The following CDC16 variants were observed in gnomAD, a reference collection of about 807,000 sequenced individuals.
CDC16 encodes cell division cycle protein 16 homolog.
A neutral mutation model predicts 87.0 loss-of-function variants in CDC16; 34 were observed. That is an observed-to-expected ratio of 0.39 (90% CI 0.30 to 0.52). The LOEUF (loss-of-function observed/expected upper bound fraction) is 0.52, where lower values mean the gene tolerates loss of function less well. CDC16 is among the 20% of genes least tolerant of loss of function. The pLI is 0.74. For missense variants in CDC16, 653 were observed against 751.9 expected (o/e 0.87, Z 1.54); for synonymous variants, 263 against 260.6 (o/e 1.01, Z -0.09).
At chr13:114,240,008 AT>A in intron 5 of CDC16, among the ~76,000 whole-genome samples, 1 of 122,600 alleles carries the variant, frequency 8.2e-6, no homozygotes, top group African/African-American at 4.7e-5. Context: ...ACTAATCTGG[AT>A]TTAAAAAAAA....
intron 5 of CDC16, among the ~76,000 whole-genome samples, chr13:114,241,892 T>C (rs1041236198): frequency 1.3e-5 from 2 of 152,030 alleles, no homozygotes; most frequent in Non-Finnish European, 2.9e-5. Flanking sequence ...GTACAAAAAA[T>C]TTAAAAAATT....
intron 3 of CDC16, 37 bp downstream of exon 3, chr13:114,236,933 T>G (rs905650601): frequency 7.2e-7 from 1 of 1,383,802 alleles, no homozygotes; most frequent in South Asian, 1.3e-5. Context: ...TCTTCAGAGC[T>G]TTAAAAAAAA....
chr13:114,241,976 T>C (rs754581973), intron 5 of CDC16, 145 bp from the exon 6 acceptor site: 21 of 838,192 alleles, frequency 2.5e-5, no homozygotes, highest in African/African-American at 7.0e-5. Flanking sequence ...TTTGAGATCA[T>C]AGGAGTTCAA....
intron 8 of CDC16, 62 bp from the exon 9 acceptor site, chr13:114,244,828 G>A (rs148424600): frequency 8.2e-6 from 8 of 972,902 alleles, no homozygotes; most frequent in African/African-American, 6.5e-5. Flanking sequence ...ACACATAGCC[G>A]ATCGTCGTGA....
At chr13:114,236,427 C>A (rs961150086) in intron 1 of CDC16, among the ~76,000 whole-genome samples, 5 of 152,032 alleles carry the variant, frequency 3.3e-5, no homozygotes, top group African/African-American at 1.2e-4. Flanking sequence ...GTTGCATATA[C>A]AAAGATATTA....
intron 3 of CDC16, among the ~76,000 whole-genome samples, chr13:114,238,401 G>A (rs112478509): frequency 4.1e-5 from 5 of 120,746 alleles, no homozygotes; most frequent in African/African-American, 1.7e-4. Context: ...GCTGCTGCGA[G>A]CTCCTCGGAC....
In CDC16 at chr13:114,246,058, T is replaced by G. The variant is rs1007136033; in HGVS notation, c.897+9T>G. 3 of 1,331,356 alleles carry G rather than the reference T, an allele frequency of 2.3e-6. No homozygotes were observed. In the African/African-American group the frequency reaches 4.5e-5, roughly 20 times the overall value. 82.5% of individuals were successfully genotyped at this position (1,331,356 alleles called of 1,614,324 possible). A position where few individuals can be genotyped will look rare whatever the true frequency, so the allele number is the denominator to read the frequency against. The stretch of plus-strand genomic sequence containing the variant: ...TATATCCTAGTAATCCTGTAAGTAA[T>G]ATAACTTTTAGTCTTAGTTTTTTTT... On this transcript the variant is annotated intron_variant, in intron 10 of 17. Transcript: ENST00000356221.
Position 114,242,278 on chromosome 13 carries a change from A to C in CDC16, c.539A>C (p.Glu180Ala). The change falls in exon 6 of 18, where the codon GAA (glutamate) becomes GCA (alanine). Residue 180 changes from glutamate to alanine, a missense_variant and splice_region_variant. Physicochemically the swap from Glu to Ala is moderately radical, Grantham distance 107. Transcript: ENST00000356221. ...LTSHHMLTAQEEKELLESLPL... is the reference protein window; with the variant it reads ...LTSHHMLTAQAEKELLESLPL... ...TCACATCACATGCTGACAGCACAAG[A>C]AGGTTTGGAAACTCAGGCTTTTTTG... is the stretch of plus-strand genomic sequence containing the variant. The C allele has an allele frequency of 6.2e-7, 1 of 1,600,370 alleles. No individual in the cohort carries two copies. Among genetic ancestry groups the C allele is most frequent in the East Asian group, 2.2e-5 (1 of 44,840 alleles).
Position 114,246,900 on chromosome 13 carries a change from CTTTG to C in CDC16, c.898-27_898-24del, listed in dbSNP as rs1312475960. The C allele has an allele frequency of 2.1e-6, 3 of 1,409,920 alleles. No homozygotes were observed. In the African/African-American group the frequency reaches 4.2e-5, roughly 20 times the overall value. The allele number at this position is 1,409,920 out of a possible 1,614,324, so 87.3% of individuals were successfully genotyped here. On this transcript the variant is annotated intron_variant, in intron 10 of 17. Coordinates refer to ENST00000356221, the MANE Select transcript of CDC16 (RefSeq NM_001078645.3). ...TCCAATTAGATATTCCAATTCCAAT[CTTTG>C]TTTATGGTAAATTTTGAACTTTTTA...
rs150010583 is a variant in CDC16 at position 114,246,964 on chromosome 13, A to G, written c.931A>G (p.Met311Val). 121 of 1,612,916 alleles carry G rather than the reference A, an allele frequency of 7.5e-5. No homozygotes were observed. Among genetic ancestry groups the G allele is most frequent in the Non-Finnish European group, 9.3e-5 (110 of 1,178,988 alleles). The change falls in exon 11 of 18, where the codon ATG (methionine) becomes GTG (valine). Residue 311 changes from methionine (M) to valine (V), a missense_variant. Coordinates refer to ENST00000356221, the MANE Select transcript of CDC16 (RefSeq NM_001078645.3). ...GTTTGCAGTGGGATGTTACTATCTCATGGTCGGTCATAAAAATGAACATGC... is the reference window on the plus strand; with the variant it reads ...GTTTGCAGTGGGATGTTACTATCTCGTGGTCGGTCATAAAAATGAACATGC... ...SWFAVGCYYL[M>V]VGHKNEHARR... is the part of the protein sequence containing the mutation.
At chr13:114,247,224 C>G (rs1056576477) in intron 11 of CDC16, 1 of 533,934 alleles carries the variant, frequency 1.9e-6, no homozygotes, top group South Asian at 2.2e-5. Flanking sequence ...GTTGCCCAGA[C>G]TAGAGTGCAG....
At position 114,255,134 on chromosome 13, in the gene CDC16, C is replaced by T. The variant is rs115910508; in HGVS notation, c.1098-1944C>T. On this transcript the variant is annotated intron_variant, in intron 12 of 17. Transcript: ENST00000356221. ...CCTATGTAGTATCCTTCTGTTTTAG[C>T]ATAAAGGACTCCCTTTAGTATTTCT... Among the ~76,000 whole-genome samples the T allele has an allele frequency of 9.8e-3, 1,489 of 152,296 alleles. 22 individuals are homozygous for T. Among genetic ancestry groups the T allele is most frequent in the African/African-American group, 0.034 (1,415 of 41,558 alleles).
intron 5 of CDC16, among the ~76,000 whole-genome samples, chr13:114,240,504 C>T (rs7989142): frequency 4.5e-4 from 69 of 152,006 alleles, no homozygotes; most frequent in Middle Eastern, 6.8e-3. Context: ...CCACTGTGCC[C>T]GGCACAGTTG....
chr13:114,243,822 A>T (rs758627823), intron 7 of CDC16, 34 bp from the exon 8 acceptor site: 3 of 1,569,486 alleles, frequency 1.9e-6, no homozygotes, highest in Non-Finnish European at 2.6e-6. Flanking sequence ...GTTTTTGCTC[A>T]TTGAGTTTAT....
intron 16 of CDC16, among the ~76,000 whole-genome samples, chr13:114,263,585 A>G (rs1472435113): frequency 6.6e-6 from 1 of 152,250 alleles, no homozygotes; most frequent in African/African-American, 2.4e-5. Context: ...TCTAGTACAT[A>G]CATAGAAATG....
At chr13:114,267,385 CA>C (rs1303452124) in intron 17 of CDC16, among the ~76,000 whole-genome samples, 2 of 152,034 alleles carry the variant, frequency 1.3e-5, no homozygotes, top group African/African-American at 4.8e-5. Context: ...CCTGTAGTCC[CA>C]GCTACTCAGG....
At chr13:114,235,159 G>A in intron 1 of CDC16, 27 bp downstream of exon 1, 2 of 1,236,428 alleles carry the variant, frequency 1.6e-6, no homozygotes, top group Non-Finnish European at 2.0e-6. Flanking sequence ...CGGGGTGCGG[G>A]GCCCAGGCCT....
At chr13:114,239,314 C>A (rs769642809) in intron 4 of CDC16, 36 bp from the exon 5 acceptor site, 2 of 1,571,342 alleles carry the variant, frequency 1.3e-6, no homozygotes. Flanking sequence ...TGTTAGAAGT[C>A]GTGAGTGATG....
At chr13:114,245,271 CTTTT>C (rs57962178) in intron 9 of CDC16, among the ~76,000 whole-genome samples, 6 of 141,864 alleles carry the variant, frequency 4.2e-5, no homozygotes, top group African/African-American at 1.3e-4. Flanking sequence ...CTCCCCCCCC[CTTTT>C]TTTTTTTTGT....
Sources: allele counts gnomAD v4.1 joint callset (sites outside exome capture counted in the v4.1 genomes callset), GRCh38; gene constraint gnomAD v4.1.1; transcripts MANE v1.5; gene names NCBI Gene and HGNC (gene_info 2026-07-23, HGNC 2026-07-21).